Variants in CTNND2 observed in about 807,000 individuals in gnomAD.
CTNND2 encodes catenin delta-2.
In CTNND2, 22 loss-of-function variants were observed where a neutral mutation model predicts 144.4. The ratio of observed to expected loss-of-function variants is 0.15; its 90% CI spans 0.11 to 0.22. CTNND2 has a LOEUF of 0.22. CTNND2 is among the 10% of genes least tolerant of loss of function. The pLI is 1.00. For synonymous variants in CTNND2, 751 were observed against 695.6 expected (o/e 1.08, Z -1.25); for missense variants, 1,353 against 1,618.8 (o/e 0.84, Z 2.82).
chr5:11,251,644 C>T (rs910912052), intron 9 of CTNND2, among the ~76,000 whole-genome samples: 2 of 152,310 alleles, frequency 1.3e-5, no homozygotes, highest in East Asian at 1.9e-4. Context: ...GCAAACGAAT[C>T]GTCCTCACGA....
chr5:11,860,845 T>C (rs986905302), intron 1 of CTNND2, among the ~76,000 whole-genome samples: 1 of 152,222 alleles, frequency 6.6e-6, no homozygotes, highest in African/African-American at 2.4e-5. Context: ...ATTGCAAATA[T>C]AGGGCATTGT....
At chr5:11,259,363 T>C (rs1438323796) in intron 9 of CTNND2, among the ~76,000 whole-genome samples, 1 of 152,162 alleles carries the variant, frequency 6.6e-6, no homozygotes, top group African/African-American at 2.4e-5. Context: ...GATGGCACCA[T>C]GTAGAGAAGA....
intron 8 of CTNND2, among the ~76,000 whole-genome samples, chr5:11,352,220 A>G (rs762147867): frequency 1.5e-4 from 23 of 152,292 alleles, no homozygotes; most frequent in Non-Finnish European, 2.8e-4. Flanking sequence ...CCCTGCTTTT[A>G]TTGGAAAAGA....
At chr5:11,158,092 C>G (rs144245657) in intron 12 of CTNND2, among the ~76,000 whole-genome samples, 1 of 152,310 alleles carries the variant, frequency 6.6e-6, no homozygotes, top group Non-Finnish European at 1.5e-5. Flanking sequence ...AATCAGAGAG[C>G]ATTTTAACAG....
chr5:11,592,982 T>C (rs1378947024), intron 2 of CTNND2, among the ~76,000 whole-genome samples: 1 of 151,710 alleles, frequency 6.6e-6, no homozygotes, highest in Non-Finnish European at 1.5e-5. Flanking sequence ...ACAAGAAACA[T>C]GACACTGCAG....
At chr5:11,307,343 GTA>G (rs1480119397) in intron 9 of CTNND2, among the ~76,000 whole-genome samples, 3 of 133,502 alleles carry the variant, frequency 2.2e-5, no homozygotes, top group African/African-American at 5.5e-5. Flanking sequence ...GTGTGTGTGT[GTA>G]CACAAGGGAA....
intron 3 of CTNND2, among the ~76,000 whole-genome samples, chr5:11,519,562 C>T (rs1008449819): frequency 4.6e-5 from 7 of 151,166 alleles, no homozygotes; most frequent in African/African-American, 9.7e-5. Context: ...CAGGCCTAGA[C>T]GATTGGCGTC....
Position 11,367,105 on chromosome 5 carries a change from T to C in CTNND2, c.1178-2215A>G, listed in dbSNP as rs10037483. Among the ~76,000 whole-genome samples, 381 of 152,366 alleles carry C rather than the reference T, an allele frequency of 2.5e-3. 1 individual carries two copies. The highest frequency in any genetic ancestry group is 8.9e-3 in the African/African-American group (371 of 41,598). Reference sequence around the variant, plus strand: ...GGCTCTGAGTAAAACTATAAGCTCATAGTGTTTCCCTGTGTAAATGCTTGT... The same window carrying C: ...GGCTCTGAGTAAAACTATAAGCTCACAGTGTTTCCCTGTGTAAATGCTTGT... On this transcript the variant is annotated intron_variant, in intron 7 of 21. Transcript: ENST00000304623.
At chr5:11,691,971 G>C (rs1784928633) in intron 2 of CTNND2, among the ~76,000 whole-genome samples, 1 of 152,088 alleles carries the variant, frequency 6.6e-6, no homozygotes, top group Non-Finnish European at 1.5e-5. Context: ...CATATTCTAT[G>C]TTAACATTTT....
At chr5:11,708,666 T>C (rs1785853121) in intron 2 of CTNND2, among the ~76,000 whole-genome samples, 2 of 152,274 alleles carry the variant, frequency 1.3e-5, no homozygotes, top group South Asian at 2.1e-4. Flanking sequence ...GGCTCCATCA[T>C]TCTGGATGCT....
chr5:11,245,176 AT>A (rs1160353463), intron 9 of CTNND2, among the ~76,000 whole-genome samples: 1 of 152,202 alleles, frequency 6.6e-6, no homozygotes. Flanking sequence ...AAAGGACAGA[AT>A]CCCCACTGGG....
chr5:11,318,772 T>C (rs1327418019), intron 9 of CTNND2, among the ~76,000 whole-genome samples: 1 of 152,132 alleles, frequency 6.6e-6, no homozygotes, highest in African/African-American at 2.4e-5. Context: ...CCTTCTTCGG[T>C]GGCATTCCCA....
chr5:11,824,559 G>A (rs1793502373), intron 1 of CTNND2, among the ~76,000 whole-genome samples: 1 of 152,118 alleles, frequency 6.6e-6, no homozygotes, highest in Non-Finnish European at 1.5e-5. Context: ...AATCTCTAGG[G>A]CTCTAAATTC....
chr5:11,818,054 A>G (rs1793104268), intron 1 of CTNND2, among the ~76,000 whole-genome samples: 1 of 138,446 alleles, frequency 7.2e-6, no homozygotes, highest in Non-Finnish European at 1.5e-5. Flanking sequence ...TTCTTTTCAG[A>G]GCATAGAAGT....
intron 1 of CTNND2, among the ~76,000 whole-genome samples, chr5:11,863,350 G>T (rs1488738332): frequency 6.6e-6 from 1 of 152,132 alleles, no homozygotes; most frequent in Non-Finnish European, 1.5e-5. Context: ...TTTGCTCAAT[G>T]GGAATAAATC....
chr5:11,412,317 C>G (rs1470162217), intron 3 of CTNND2, among the ~76,000 whole-genome samples: 1 of 152,066 alleles, frequency 6.6e-6, no homozygotes, highest in African/African-American at 2.4e-5. Flanking sequence ...TTCAGAAGAG[C>G]TCATTTTTTA....
chr5:11,446,833 TAA>T (rs1764849117), intron 3 of CTNND2, among the ~76,000 whole-genome samples: 1 of 152,184 alleles, frequency 6.6e-6, no homozygotes, highest in South Asian at 2.1e-4. Flanking sequence ...GGGCCGTGGA[TAA>T]AAGTTTCTCA....
chr5:11,440,110 T>TA (rs1157229008), intron 3 of CTNND2, among the ~76,000 whole-genome samples: 2 of 152,192 alleles, frequency 1.3e-5, no homozygotes, highest in Non-Finnish European at 2.9e-5. Flanking sequence ...AACACACTTC[T>TA]AACCCAGAAG....
chr5:11,356,903 A>G (rs1017674908), intron 8 of CTNND2, among the ~76,000 whole-genome samples: 1 of 152,038 alleles, frequency 6.6e-6, no homozygotes, highest in Non-Finnish European at 1.5e-5. Flanking sequence ...CAAGACATAC[A>G]AATGACCAAC....
Sources: allele counts gnomAD v4.1 joint callset (sites outside exome capture counted in the v4.1 genomes callset), GRCh38; gene constraint gnomAD v4.1.1; transcripts MANE v1.5; gene names NCBI Gene and HGNC (gene_info 2026-07-23, HGNC 2026-07-21).